The following IRAK3 variants were observed in gnomAD, a reference collection of about 807,000 sequenced individuals.
The protein encoded by IRAK3 is interleukin-1 receptor-associated kinase 3.
IRAK3 carries 57 observed loss-of-function variants against 56.6 expected under a neutral mutation model. The ratio of observed to expected loss-of-function variants is 1.01; its 90% CI spans 0.81 to 1.26. The LOEUF is 1.26. Among genes scored for constraint, IRAK3 ranks in the 50% most tolerant of loss-of-function variants. The pLI is 0.00. For missense variants in IRAK3, 703 were observed against 719.0 expected, an observed-to-expected ratio of 0.98 and a Z score of 0.25; for synonymous variants, 258 against 255.7, an observed-to-expected ratio of 1.01 and a Z score of -0.09.
chr12:66,232,338 G>A (rs1316328453), intron 8 of IRAK3, among the ~76,000 whole-genome samples: 1 of 152,188 alleles, frequency 6.6e-6, no homozygotes, highest in Non-Finnish European at 1.5e-5. Context: ...GCTCATCAAT[G>A]TGTCCCTGCC....
chr12:66,230,564 A>G (rs1324536866), intron 8 of IRAK3, among the ~76,000 whole-genome samples: 2 of 152,068 alleles, frequency 1.3e-5, no homozygotes, highest in Admixed American at 1.3e-4. Context: ...CCCTTCTACC[A>G]AGACAGTTCC....
intron 11 of IRAK3, among the ~76,000 whole-genome samples, chr12:66,246,816 T>C (rs1423232134): frequency 6.6e-6 from 1 of 152,230 alleles, no homozygotes; most frequent in African/African-American, 2.4e-5. Context: ...GTATGTTGTA[T>C]GGTGTATTAA....
chr12:66,245,253 A>G lies in IRAK3; in HGVS notation c.1305A>G (p.Ser435=). Residue 435 remains serine (S), a synonymous_variant, in exon 11 of 12, where the codon TCA becomes TCG. Coordinates refer to ENST00000261233, the MANE Select transcript of IRAK3 (RefSeq NM_007199.3). The part of the protein sequence containing the change: ...CAATRAKLRP[S]MDEVLNTLES... ...CAACGCGGGCAAAGTTAAGACCATCAATGGATGAAGTGAGTATATACATGG... is the reference window on the plus strand; with the variant it reads ...CAACGCGGGCAAAGTTAAGACCATCGATGGATGAAGTGAGTATATACATGG... 1 of 1,614,182 alleles carries G rather than the reference A, an allele frequency of 6.2e-7. No individual in the cohort carries two copies. Among genetic ancestry groups the G allele is most frequent in the Non-Finnish European group, 8.5e-7 (1 of 1,180,026 alleles).
At chr12:66,191,050 A>G (rs2052394218) in intron 1 of IRAK3, among the ~76,000 whole-genome samples, 1 of 152,204 alleles carries the variant, frequency 6.6e-6, no homozygotes, top group Admixed American at 6.5e-5. Context: ...TTTTCAAAGC[A>G]AGGGAGCCAG....
At chr12:66,206,420 C>A (rs773191974) in intron 2 of IRAK3, among the ~76,000 whole-genome samples, 3 of 152,054 alleles carry the variant, frequency 2.0e-5, no homozygotes, top group Non-Finnish European at 2.9e-5. Context: ...GTTGGTAGGG[C>A]TTTTATCATG....
Position 66,250,872 on chromosome 12 carries a change from A to C in IRAK3, c.*2701A>C, listed in dbSNP as rs2053092291. On this transcript the variant is annotated 3_prime_UTR_variant, in exon 12 of 12. Coordinates refer to ENST00000261233, the MANE Select transcript of IRAK3 (RefSeq NM_007199.3). ...TGATGCAATAGGTCTGGGGTTAGAAATTTTGCTTTCTAATGAGTTCCCAGG... is the reference window on the plus strand; with the variant it reads ...TGATGCAATAGGTCTGGGGTTAGAACTTTTGCTTTCTAATGAGTTCCCAGG... The C allele has an allele frequency of 6.6e-6, 1 of 152,260 alleles. No homozygotes were observed. Among genetic ancestry groups the C allele is most frequent in the South Asian group, 2.1e-4 (1 of 4,826 alleles). The allele number at this position is 152,260 out of a possible 1,614,324, so 9.4% of individuals were successfully genotyped here. A position where few individuals can be genotyped will look rare whatever the true frequency, so the allele number is the denominator to read the frequency against.
intron 8 of IRAK3, among the ~76,000 whole-genome samples, chr12:66,235,627 ATTATTAAG>A (rs1169928247): frequency 1.3e-4 from 20 of 149,302 alleles, no homozygotes; most frequent in Non-Finnish European, 2.4e-4. Flanking sequence ...GTCCTCCGAT[ATTATTAAG>A]TTATGTTTTT....
Position 66,228,303 on chromosome 12 carries a change from A to C in IRAK3, c.820A>C (p.Ile274Leu). The C allele has an allele frequency of 6.2e-7, 1 of 1,614,158 alleles. No homozygotes were observed. Among genetic ancestry groups the C allele is most frequent in the Non-Finnish European group, 8.5e-7 (1 of 1,180,024 alleles). The change falls in exon 8 of 12, where the codon ATA (isoleucine) becomes CTA (leucine). Residue 274 changes from isoleucine to leucine, a missense_variant. Coordinates refer to ENST00000261233, the MANE Select transcript of IRAK3 (RefSeq NM_007199.3). ...WHIRIGILIG[I>L]SKAIHYLHNV... ...CATTCGAATCGGTATATTAATAGGA[A>C]TATCCAAAGCCATTCACTACCTGCA...
chr12:66,239,401 G>C (rs2052941269), intron 8 of IRAK3, among the ~76,000 whole-genome samples: 1 of 151,864 alleles, frequency 6.6e-6, no homozygotes, highest in Admixed American at 6.6e-5. Flanking sequence ...TGAGTGGTTG[G>C]GAAGAGGGCA....
At chr12:66,245,312 A>G (rs2053018586) in intron 11 of IRAK3, 50 bp downstream of exon 11, 2 of 1,561,916 alleles carry the variant, frequency 1.3e-6, no homozygotes, top group Non-Finnish European at 1.8e-6. Context: ...GAACCATGGA[A>G]AATCTAAACT....
At chr12:66,228,493 T>G in intron 8 of IRAK3, 123 bp downstream of exon 8, 1 of 754,902 alleles carries the variant, frequency 1.3e-6, no homozygotes, top group South Asian at 1.5e-5. Context: ...TTAAGAATTC[T>G]CATCTAGGTA....
chr12:66,218,587 GC>G (rs1565804822), intron 6 of IRAK3, among the ~76,000 whole-genome samples: 1 of 151,808 alleles, frequency 6.6e-6, no homozygotes, highest in East Asian at 1.9e-4. Context: ...CTTAATTTTC[GC>G]CAATCTGATA....
chr12:66,244,889 C>A, intron 9 of IRAK3, 59 bp from the exon 10 acceptor site: 1 of 1,318,806 alleles, frequency 7.6e-7, no homozygotes, highest in Non-Finnish European at 1.1e-6. Flanking sequence ...TTAATAGTTG[C>A]AACAAATTGT....
intron 5 of IRAK3, among the ~76,000 whole-genome samples, chr12:66,214,962 C>A (rs575251289): frequency 6.6e-6 from 1 of 152,064 alleles, no homozygotes; most frequent in Non-Finnish European, 1.5e-5. Flanking sequence ...AAGGTGATTC[C>A]GAGTTTGCAG....
In IRAK3 at chr12:66,212,026, G is replaced by A. The variant is rs145636899; in HGVS notation, c.588+429G>A. Among the ~76,000 whole-genome samples the A allele has an allele frequency of 2.3e-3, 343 of 151,184 alleles. 1 individual carries two copies. Among genetic ancestry groups the A allele is most frequent in the African/African-American group, 5.9e-3 (242 of 41,144 alleles). ...CTTGGGAGGCTGAGGCAGGAGAATC[G>A]CTTGAGCACAGGAAGAAGAGGCTGC... On this transcript the variant is annotated intron_variant, in intron 5 of 11. Transcript: ENST00000261233.
chr12:66,205,247 G>A (rs2052548061), intron 2 of IRAK3, among the ~76,000 whole-genome samples: 1 of 152,158 alleles, frequency 6.6e-6, no homozygotes, highest in Non-Finnish European at 1.5e-5. Context: ...AGAGAATAAT[G>A]TGGACTGTAA....
chr12:66,219,643 G>T (rs1308495691), intron 6 of IRAK3, among the ~76,000 whole-genome samples: 1 of 152,126 alleles, frequency 6.6e-6, no homozygotes, highest in Non-Finnish European at 1.5e-5. Context: ...CTCCATTATG[G>T]CTGTACCACT....
At chr12:66,230,988 C>T (rs2052838375) in intron 8 of IRAK3, among the ~76,000 whole-genome samples, 1 of 152,118 alleles carries the variant, frequency 6.6e-6, no homozygotes, top group African/African-American at 2.4e-5. Flanking sequence ...GCTTCTATCT[C>T]CTAGGGTTAA....
chr12:66,217,224 A>G lies in IRAK3; in HGVS notation c.642A>G (p.Glu214=). ...GGAAGAGGTTTTTATCTGAGCTTGA[A>G]GTTTTACTACTGTGAGTATGTTTTC... The part of the protein sequence containing the change: ...KHWKRFLSEL[E]VLLLFHHPNI... Residue 214 remains glutamate (E), a synonymous_variant, in exon 6 of 12, where the codon GAA becomes GAG. Transcript: ENST00000261233. 2 of 1,608,894 alleles carry G rather than the reference A, an allele frequency of 1.2e-6. No homozygotes were observed. The highest frequency in any genetic ancestry group is 2.2e-5 in the South Asian group (2 of 91,002).
Sources: gnomAD v4.1 joint callset for allele counts (sites outside exome capture counted in the v4.1 genomes callset) on GRCh38, gnomAD v4.1.1 for gene constraint, MANE v1.5 for transcripts, NCBI Gene and HGNC (gene_info 2026-07-23, HGNC 2026-07-21) for gene names.